The following NARS2 variants were observed in gnomAD, a reference collection of about 807,000 sequenced individuals.
The protein encoded by NARS2 is asparaginyl-tRNA synthetase 2, mitochondrial.
In NARS2, 60 loss-of-function variants were observed where a neutral mutation model predicts 62.9. That is an observed-to-expected ratio of 0.95 (90% CI 0.77 to 1.18). The LOEUF is 1.18. Among genes scored for constraint, NARS2 ranks in the 50% most tolerant of loss-of-function variants. The pLI, the probability that NARS2 is intolerant of heterozygous loss-of-function variation, is 0.00. For synonymous variants in NARS2, 196 were observed against 200.0 expected (o/e 0.98, Z 0.17); for missense variants, 619 against 576.4 (o/e 1.07, Z -0.76).
At chr11:78,560,085 G>A (rs183388978) in intron 4 of NARS2, among the ~76,000 whole-genome samples, 2 of 151,834 alleles carry the variant, frequency 1.3e-5, no homozygotes, top group Admixed American at 6.5e-5. Context: ...AAAGCGATCA[G>A]TATAAACTTA....
At chr11:78,444,727 C>CAAAAAAAAAAAAAA (rs1391489970) in intron 11 of NARS2, among the ~76,000 whole-genome samples, 1 of 92,416 alleles carries the variant, frequency 1.1e-5, no homozygotes, top group African/African-American at 3.6e-5. Context: ...TCAAACAAAA[C>CAAAAAAAAAAAAAA]AAAAAAAAAA....
At chr11:78,471,417 G>A (rs1470639423) in intron 9 of NARS2, among the ~76,000 whole-genome samples, 3 of 152,252 alleles carry the variant, frequency 2.0e-5, no homozygotes, top group African/African-American at 7.2e-5. Context: ...AGCTATGTAA[G>A]TCACTTCAAC....
At chr11:78,492,484 C>A (rs765072385) in intron 7 of NARS2, among the ~76,000 whole-genome samples, 6 of 152,166 alleles carry the variant, frequency 3.9e-5, no homozygotes, top group Non-Finnish European at 8.8e-5. Context: ...AAAGTTCAAA[C>A]TCCTTACTAT....
chr11:78,448,290 T>C (rs1857833709), intron 11 of NARS2, among the ~76,000 whole-genome samples: 1 of 150,910 alleles, frequency 6.6e-6, no homozygotes, highest in African/African-American at 2.4e-5. Context: ...ATAGGAGTGA[T>C]TCCATGGGAC....
intron 5 of NARS2, among the ~76,000 whole-genome samples, chr11:78,554,111 G>C (rs1856237011): frequency 6.6e-6 from 1 of 152,106 alleles, no homozygotes; most frequent in Non-Finnish European, 1.5e-5. Flanking sequence ...GCCTGTTTTT[G>C]TACCAGTACC....
At chr11:78,508,387 G>A (rs768981015) in intron 6 of NARS2, among the ~76,000 whole-genome samples, 21 of 152,080 alleles carry the variant, frequency 1.4e-4, no homozygotes, top group South Asian at 2.1e-4. Flanking sequence ...TGAGGGGTTC[G>A]AGAACAGCCT....
At chr11:78,450,956 C>T (rs1475950452) in intron 11 of NARS2, among the ~76,000 whole-genome samples, 1 of 152,210 alleles carries the variant, frequency 6.6e-6, no homozygotes, top group African/African-American at 2.4e-5. Context: ...GCTGGGATTA[C>T]AGGCGTGAGC....
rs1240165229 is a variant in NARS2 at position 78,568,850 on chromosome 11, A to G, written c.252-98T>C. 5 of 995,290 alleles carry G rather than the reference A, an allele frequency of 5.0e-6. No individual in the cohort carries two copies. The East Asian group carries it at 1.3e-4, about 25-fold the overall frequency. The allele number at this position is 995,290 out of a possible 1,614,324, so 61.7% of individuals were successfully genotyped here. A position where few individuals can be genotyped will look rare whatever the true frequency, so the allele number is the denominator to read the frequency against. On this transcript the variant is annotated intron_variant, in intron 2 of 13. Coordinates refer to ENST00000281038, the MANE Select transcript of NARS2 (RefSeq NM_024678.6). ...AAGAATATTAAAATACTTAATGACA[A>G]AAGCTTTTACCCTTATTGGGTTAAA...
chr11:78,474,298 G>A (rs373188182), intron 9 of NARS2, among the ~76,000 whole-genome samples: 3 of 151,894 alleles, frequency 2.0e-5, no homozygotes, highest in Admixed American at 1.3e-4. Context: ...GTTCATAGTC[G>A]TAATTACATT....
intron 5 of NARS2, among the ~76,000 whole-genome samples, chr11:78,554,500 C>CGTGTGTGTGTGTGT (rs569858075): frequency 1.4e-4 from 6 of 42,496 alleles, no homozygotes; most frequent in African/African-American, 3.0e-4. Flanking sequence ...TATTCCTAGG[C>CGTGTGTGTGTGTGT]GTGTGTGCGT....
At chr11:78,523,605 C>G (rs1306775230) in intron 6 of NARS2, among the ~76,000 whole-genome samples, 2 of 152,092 alleles carry the variant, frequency 1.3e-5, no homozygotes, top group Admixed American at 6.5e-5. Flanking sequence ...ATTATATGCC[C>G]ATGTAATGGA....
chr11:78,461,548 G>T (rs895555291), intron 11 of NARS2, among the ~76,000 whole-genome samples: 5 of 148,066 alleles, frequency 3.4e-5, no homozygotes, highest in African/African-American at 1.3e-4. Flanking sequence ...GTGTGATAGG[G>T]GTGGAAACTA....
chr11:78,466,165 CAA>C, intron 10 of NARS2, 152 bp from the exon 11 acceptor site: 1 of 739,224 alleles, frequency 1.4e-6, no homozygotes, highest in South Asian at 2.1e-5. Context: ...GCTGACTAAA[CAA>C]GAGAGAGATA....
chr11:78,566,214 T>G lies in NARS2; in HGVS notation c.431A>C (p.His144Pro). 1 of 1,612,390 alleles carries G rather than the reference T, an allele frequency of 6.2e-7. No homozygotes were observed. The highest frequency in any genetic ancestry group is 2.2e-5 in the East Asian group (1 of 44,860). ...HPLEYLRQYPHFRCRTNVLGS... is the reference protein window; with the variant it reads ...HPLEYLRQYPPFRCRTNVLGS... ...CAGAACGTTAGTCCTACACCTAAAGTGAGGATATTGTCGCAGATACTCCAG... is the reference window on the plus strand; with the variant it reads ...CAGAACGTTAGTCCTACACCTAAAGGGAGGATATTGTCGCAGATACTCCAG... Residue 144 changes from histidine to proline, a missense_variant, in exon 4 of 14, where the codon CAC becomes CCC. Transcript: ENST00000281038.
At chr11:78,517,260 G>T (rs1453625168) in intron 6 of NARS2, among the ~76,000 whole-genome samples, 1 of 152,184 alleles carries the variant, frequency 6.6e-6, no homozygotes, top group African/African-American at 2.4e-5. Context: ...CAGGAAGGTT[G>T]GTAGTACCAT....
At chr11:78,483,429 G>A (rs965479462) in intron 7 of NARS2, among the ~76,000 whole-genome samples, 1 of 152,160 alleles carries the variant, frequency 6.6e-6, no homozygotes, top group Non-Finnish European at 1.5e-5. Flanking sequence ...TATTCAAATA[G>A]GAAGAGAGGA....
rs1249837216 is a variant in NARS2 at position 78,574,808 on chromosome 11, A to G, written c.-320T>C. On this transcript the variant is annotated 5_prime_UTR_variant, in exon 1 of 14. Transcript: ENST00000281038. The stretch of plus-strand genomic sequence containing the variant: ...AACCTACGAACAGAACCCGGGCCGC[A>G]ACACGCGCAACCACTCCTACCACAC... 3 of 301,802 alleles carry G rather than the reference A, an allele frequency of 9.9e-6. No homozygotes were observed. The highest frequency in any genetic ancestry group is 1.9e-5 in the Non-Finnish European group (3 of 160,812). The allele number at this position is 301,802 out of a possible 1,614,324, so 18.7% of individuals were successfully genotyped here.
chr11:78,510,645 A>T (rs752244415), intron 6 of NARS2, among the ~76,000 whole-genome samples: 1 of 152,116 alleles, frequency 6.6e-6, no homozygotes, highest in Non-Finnish European at 1.5e-5. Context: ...CAAAATTTTC[A>T]TATGTGCATG....
intron 11 of NARS2, among the ~76,000 whole-genome samples, chr11:78,463,931 T>C (rs1335047877): frequency 6.6e-6 from 1 of 152,160 alleles, no homozygotes; most frequent in African/African-American, 2.4e-5. Context: ...CAAGCCAGCT[T>C]TTCCTTTGCC....
Sources: allele counts gnomAD v4.1 joint callset (sites outside exome capture counted in the v4.1 genomes callset), GRCh38; gene constraint gnomAD v4.1.1; transcripts MANE v1.5; gene names NCBI Gene and HGNC (gene_info 2026-07-23, HGNC 2026-07-21).